The following DIDO1 variants were observed in gnomAD, a reference collection of about 807,000 sequenced individuals.
The protein encoded by DIDO1 is death inducer-obliterator 1, also known as death-inducer obliterator 1.
In DIDO1, 16 loss-of-function variants were observed where a neutral mutation model predicts 99.4. The ratio of observed to expected loss-of-function variants is 0.16; its 90% CI spans 0.11 to 0.24. DIDO1 has a LOEUF of 0.24. Among genes scored for constraint, DIDO1 ranks in the 10% least tolerant of loss-of-function variants. DIDO1 has a pLI of 1.00. For synonymous variants in DIDO1, 1,366 were observed against 1,239.1 expected (o/e 1.10, Z -2.15); for missense variants, 2,996 against 3,014.0 (o/e 0.99, Z 0.14).
chr20:62,887,545 T>A, intron 15 of DIDO1: 1 of 985,454 alleles, frequency 1.0e-6, no homozygotes, highest in Non-Finnish European at 1.2e-6. Flanking sequence ...GAGAACAGAC[T>A]GTGCACCCAT....
intron 1 of DIDO1, among the ~76,000 whole-genome samples, chr20:62,918,844 G>A (rs74851678): frequency 2.1e-4 from 32 of 152,258 alleles, no homozygotes; most frequent in Non-Finnish European, 3.2e-4. Flanking sequence ...CAGATGAGGA[G>A]CAACTGAGAA....
At chr20:62,924,386 C>G (rs2065214310) in intron 1 of DIDO1, among the ~76,000 whole-genome samples, 2 of 152,174 alleles carry the variant, frequency 1.3e-5, no homozygotes, top group Non-Finnish European at 2.9e-5. Context: ...AAATAAGCCA[C>G]TTGGTATTAT....
At position 62,894,886 on chromosome 20, in the gene DIDO1, T is replaced by C. The variant is rs138496676; in HGVS notation, c.2360A>G (p.Asn787Ser). ...CCTGGGGGCCGTCTTCTTGCTTTCATTGTGCAGTTTAGTTCTGGACTCCAT... is the reference window on the plus strand; with the variant it reads ...CCTGGGGGCCGTCTTCTTGCTTTCACTGTGCAGTTTAGTTCTGGACTCCAT... ...SVMESRTKLH[N>S]ESKKTAPRQE... Residue 787 changes from asparagine (N) to serine (S), a missense_variant, in exon 10 of 16, where the codon AAT becomes AGT. Asn to Ser is a conservative substitution (Grantham distance 46, BLOSUM62 1). Coordinates refer to ENST00000395343, the MANE Select transcript of DIDO1 (RefSeq NM_001193369.2). The surrounding 1 kb of genome is among the most constrained non-coding windows in gnomAD (Gnocchi z 4.4). 442 of 1,614,182 alleles carry C rather than the reference T, an allele frequency of 2.7e-4. 4 individuals are homozygous for C. In the East Asian group the frequency reaches 9.4e-3, roughly 35 times the overall value.
intron 1 of DIDO1, among the ~76,000 whole-genome samples, chr20:62,919,431 T>C (rs1046098297): frequency 2.0e-5 from 3 of 151,990 alleles, no homozygotes; most frequent in Non-Finnish European, 4.4e-5. Context: ...TCCCAGCTAC[T>C]TGGGAGGCTG....
chr20:62,924,339 C>G (rs1449359118), intron 1 of DIDO1, among the ~76,000 whole-genome samples: 2 of 152,196 alleles, frequency 1.3e-5, no homozygotes, highest in Non-Finnish European at 2.9e-5. Flanking sequence ...TAGGGAGTCA[C>G]CTGTTAAACA....
chr20:62,879,158 G>C lies in DIDO1; in HGVS notation c.*75C>G. On this transcript the variant is annotated 3_prime_UTR_variant, in exon 16 of 16. Coordinates refer to ENST00000395343, the MANE Select transcript of DIDO1 (RefSeq NM_001193369.2). The surrounding 1 kb of genome is among the most constrained non-coding windows in gnomAD (Gnocchi z 6.3). ...ATTCTATCCTGAATCTAAGATCGTG[G>C]CTATTTCAAAAGCTATTTGTTCAAC... The C allele has an allele frequency of 2.3e-6, 3 of 1,303,870 alleles. No individual in the cohort carries two copies. Among genetic ancestry groups the C allele is most frequent in the Non-Finnish European group, 3.0e-6 (3 of 991,662 alleles). 80.8% of individuals were successfully genotyped at this position (1,303,870 alleles called of 1,614,324 possible).
At chr20:62,903,071 T>C (rs2064718997) in intron 6 of DIDO1, among the ~76,000 whole-genome samples, 1 of 152,190 alleles carries the variant, frequency 6.6e-6, no homozygotes, top group Admixed American at 6.5e-5. Context: ...AATAAGAATT[T>C]ATAAAACCAC....
chr20:62,936,620 C>G (rs947638347), intron 1 of DIDO1, among the ~76,000 whole-genome samples: 2 of 152,116 alleles, frequency 1.3e-5, no homozygotes, highest in Non-Finnish European at 2.9e-5. Flanking sequence ...AATCCCAGCA[C>G]TTTGGGAGTC....
At chr20:62,921,253 C>T (rs774010504) in intron 1 of DIDO1, among the ~76,000 whole-genome samples, 2 of 152,176 alleles carry the variant, frequency 1.3e-5, no homozygotes, top group Non-Finnish European at 2.9e-5. Context: ...TTTTAAATGT[C>T]AAACATGGTG....
In DIDO1 at chr20:62,894,655, A is replaced by G; in HGVS notation, c.2437-107T>C. 1 of 1,463,128 alleles carries G rather than the reference A, an allele frequency of 6.8e-7. No individual in the cohort carries two copies. 90.6% of individuals were successfully genotyped at this position (1,463,128 alleles called of 1,614,324 possible). On this transcript the variant is annotated intron_variant, in intron 10 of 15. Transcript: ENST00000395343. The surrounding 1 kb of genome is among the most constrained non-coding windows in gnomAD (Gnocchi z 4.4). ...CTCATGGGATTGAGACCCACGGGGG[A>G]GAAAAAAGGACCATCTAATACAAGG... is the stretch of plus-strand genomic sequence containing the variant.
At chr20:62,927,953 C>T (rs1217964788), upstream of DIDO1, among the ~76,000 whole-genome samples, 2 of 152,088 alleles carry the variant, frequency 1.3e-5, no homozygotes, top group East Asian at 1.9e-4. Context: ...AGAAGACAGA[C>T]GGGGTTGAGA....
Position 62,879,589 on chromosome 20 carries a change from A to G in DIDO1, c.6367T>C (p.Trp2123Arg). 1 of 1,600,256 alleles carries G rather than the reference A, an allele frequency of 6.2e-7. No homozygotes were observed. Among genetic ancestry groups the G allele is most frequent in the Non-Finnish European group, 8.5e-7 (1 of 1,178,786 alleles). The part of the protein sequence containing the change: ...RRRERERGRN[W>R]SRERDWDRPR... Reference sequence around the variant, plus strand: ...CGGTCCCAGTCCCGCTCTCGGCTCCAGTTTCGGCCGCGCTCGCGCTCTCTC... The same window carrying G: ...CGGTCCCAGTCCCGCTCTCGGCTCCGGTTTCGGCCGCGCTCGCGCTCTCTC... Residue 2123 changes from tryptophan to arginine, a missense_variant, in exon 16 of 16, where the codon TGG (tryptophan) becomes CGG (arginine). Trp to Arg is a moderately radical substitution (Grantham distance 101, BLOSUM62 -3). Transcript: ENST00000395343. The surrounding 1 kb of genome is among the most constrained non-coding windows in gnomAD (Gnocchi z 6.3).
Position 62,911,635 on chromosome 20 carries a change from CAT to C in DIDO1, c.-2-23_-2-22del, listed in dbSNP as rs1460207962. 6.6e-7 allele frequency: 1 copy of C among 1,520,984 alleles called. No individual in the cohort carries two copies. The allele number at this position is 1,520,984 out of a possible 1,614,324, so 94.2% of individuals were successfully genotyped here. ...CATACCTAGCGGTAAAGTGTAAGCACATAGTGACCAACTGACCACAGAACAAA... is the reference window on the plus strand; with the variant it reads ...CATACCTAGCGGTAAAGTGTAAGCACAGTGACCAACTGACCACAGAACAAA... On this transcript the variant is annotated intron_variant, in intron 2 of 15. Coordinates refer to ENST00000395343, the MANE Select transcript of DIDO1 (RefSeq NM_001193369.2). This position sits in a 1 kb window ranked among gnomAD's most constrained non-coding sequence, Gnocchi z 7.0.
chr20:62,915,466 G>T (rs946947116), intron 1 of DIDO1, among the ~76,000 whole-genome samples: 1 of 152,152 alleles, frequency 6.6e-6, no homozygotes, highest in South Asian at 2.1e-4. Flanking sequence ...TTTATATTTT[G>T]CAACACTGAG....
chr20:62,917,334 A>G (rs1197346483), intron 1 of DIDO1, among the ~76,000 whole-genome samples: 2 of 152,164 alleles, frequency 1.3e-5, no homozygotes, highest in South Asian at 2.1e-4. Flanking sequence ...CCTGGCCGAT[A>G]ATGTCGGGTC....
chr20:62,891,005 C>T lies in DIDO1; in HGVS notation c.3496G>A (p.Ala1166Thr), dbSNP rs1007611731. The T allele has an allele frequency of 5.6e-6, 9 of 1,614,092 alleles. No individual in the cohort carries two copies. In the Admixed American group the frequency reaches 6.7e-5, roughly 12 times the overall value. The change falls in exon 15 of 16, where the codon GCC (alanine) becomes ACC (threonine). Residue 1166 changes from alanine (A) to threonine (T), a missense_variant. By Grantham distance (58) the Ala-to-Thr change is moderately conservative. Transcript: ENST00000395343. ...AGTTTGGATGGAACAGGGTCCTGGG[C>T]GCTCAGCGGGATCAGGTAGAGGTCC... is the stretch of plus-strand genomic sequence containing the variant. ...VKDLYLIPLS[A>T]QDPVPSKLLP...
chr20:62,934,390 T>C (rs958605103), intron 1 of DIDO1, among the ~76,000 whole-genome samples: 2 of 152,156 alleles, frequency 1.3e-5, no homozygotes, highest in African/African-American at 4.8e-5. Context: ...CTTCAAAACC[T>C]ACCTAACACA....
In DIDO1 at chr20:62,911,734, A is replaced by T. The variant is rs2064947661; in HGVS notation, c.-2-120T>A. On this transcript the variant is annotated intron_variant, in intron 2 of 15. Transcript: ENST00000395343. The surrounding 1 kb of genome is among the most constrained non-coding windows in gnomAD (Gnocchi z 7.0). ...AAACAGTGGAGCTCTACATAAAGCA[A>T]GTCCTTCTGACCAGTGTTTCCTAAT... 1 of 818,100 alleles carries T rather than the reference A, an allele frequency of 1.2e-6. No individual in the cohort carries two copies. The highest frequency in any genetic ancestry group is 1.8e-6 in the Non-Finnish European group (1 of 542,604). The allele number at this position is 818,100 out of a possible 1,614,324, so 50.7% of individuals were successfully genotyped here.
chr20:62,893,663 C>T lies in DIDO1; in HGVS notation c.3101+3G>A. The T allele has an allele frequency of 3.8e-6, 6 of 1,594,432 alleles. No homozygotes were observed. The highest frequency in any genetic ancestry group is 5.2e-6 in the Non-Finnish European group (6 of 1,164,806). ...TTGTTCAGACCACACCTGAAGTACG[C>T]ACCTGATATTTGGTGACGGAGGAAC... is the stretch of plus-strand genomic sequence containing the variant. On this transcript the variant is annotated splice_donor_region_variant and intron_variant, in intron 12 of 15. Coordinates refer to ENST00000395343, the MANE Select transcript of DIDO1 (RefSeq NM_001193369.2).
Sources: allele counts gnomAD v4.1 joint callset (sites outside exome capture counted in the v4.1 genomes callset), GRCh38; gene constraint gnomAD v4.1.1; non-coding constraint Gnocchi (gnomAD v3.1); transcripts MANE v1.5; gene names NCBI Gene and HGNC (gene_info 2026-07-23, HGNC 2026-07-21).